Variants in DGKB observed in about 807,000 individuals in gnomAD.
The protein encoded by DGKB is 90 kDa diacylglycerol kinase.
DGKB carries 67 observed loss-of-function variants against 114.3 expected under a neutral mutation model. The observed-to-expected ratio is 0.59, with a 90% CI of 0.48 to 0.72. The LOEUF is 0.72. Among genes scored for constraint, DGKB ranks in the 30% least tolerant of loss-of-function variants. The pLI, the probability that DGKB is intolerant of heterozygous loss-of-function variation, is 0.00. For synonymous variants in DGKB, 398 were observed against 323.1 expected, an observed-to-expected ratio of 1.23 and a Z score of -2.49; for missense variants, 907 against 975.2, an observed-to-expected ratio of 0.93 and a Z score of 0.93.
intron 20 of DGKB, among the ~76,000 whole-genome samples, chr7:14,490,965 T>A (rs1340687904): frequency 6.6e-6 from 1 of 151,944 alleles, no homozygotes. Context: ...TTTTTTTTAA[T>A]GCAGAAACAG....
intron 15 of DGKB, among the ~76,000 whole-genome samples, chr7:14,618,119 TACACAC>T (rs59901892): frequency 8.6e-4 from 128 of 148,788 alleles, no homozygotes; most frequent in African/African-American, 3.1e-3. Flanking sequence ...GCAAAGGACA[TACACAC>T]ACACACACAC....
chr7:14,167,210 C>CA (rs34278386), intron 25 of DGKB, among the ~76,000 whole-genome samples: 11,939 of 99,300 alleles, frequency 0.12, 955 homozygotes, highest in Non-Finnish European at 0.16. Flanking sequence ...GACTCCATCT[C>CA]AAAAAAAAAA....
At chr7:14,516,002 C>T (rs1788728395) in intron 20 of DGKB, among the ~76,000 whole-genome samples, 1 of 152,004 alleles carries the variant, frequency 6.6e-6, no homozygotes, top group Non-Finnish European at 1.5e-5. Flanking sequence ...GTACCACCAC[C>T]ACCACCTGGC....
chr7:14,622,284 C>T (rs1218504856), intron 14 of DGKB, among the ~76,000 whole-genome samples: 2 of 152,050 alleles, frequency 1.3e-5, no homozygotes, highest in Admixed American at 6.6e-5. Flanking sequence ...TTCACAACTT[C>T]GCCCTCATAG....
chr7:14,813,607 T>A (rs1326070423), intron 2 of DGKB, among the ~76,000 whole-genome samples: 1 of 152,178 alleles, frequency 6.6e-6, no homozygotes, highest in African/African-American at 2.4e-5. Flanking sequence ...ATGTTATTTT[T>A]AACTCAAAAT....
intron 25 of DGKB, among the ~76,000 whole-genome samples, chr7:14,175,084 A>G (rs1314751841): frequency 6.6e-6 from 1 of 152,234 alleles, no homozygotes; most frequent in East Asian, 1.9e-4. Context: ...GTGCTGTTTG[A>G]AATCTGTAAC....
At chr7:14,320,518 T>TATATATGTACCGCATATGCGGTAC (rs1562929202) in intron 23 of DGKB, among the ~76,000 whole-genome samples, 1 of 151,874 alleles carries the variant, frequency 6.6e-6, no homozygotes, top group Non-Finnish European at 1.5e-5. Flanking sequence ...TTTCCACATA[T>TATATATGTACCGCATATGCGGTAC]ATATATGTAC....
intron 23 of DGKB, among the ~76,000 whole-genome samples, chr7:14,214,198 A>G (rs1788590602): frequency 1.3e-5 from 2 of 152,126 alleles, no homozygotes; most frequent in Admixed American, 6.6e-5. Context: ...TGTCTTTAGG[A>G]TAAAACTTGA....
chr7:14,509,775 C>G (rs1787699059), intron 20 of DGKB, among the ~76,000 whole-genome samples: 1 of 152,232 alleles, frequency 6.6e-6, no homozygotes, highest in Non-Finnish European at 1.5e-5. Flanking sequence ...ACTCCTTTGT[C>G]TCCGCCAGAC....
intron 20 of DGKB, among the ~76,000 whole-genome samples, chr7:14,512,783 T>C (rs1260596470): frequency 1.3e-5 from 2 of 152,116 alleles, no homozygotes; most frequent in African/African-American, 2.4e-5. Context: ...CTTATTATTA[T>C]ACAGGTTTTG....
intron 25 of DGKB, among the ~76,000 whole-genome samples, chr7:14,155,288 CT>C (rs1386058914): frequency 5.9e-5 from 9 of 152,006 alleles, no homozygotes; most frequent in African/African-American, 2.2e-4. Context: ...AGGTACCAGC[CT>C]ACCTTATTTT....
At chr7:14,846,969 C>G (rs182124710) in intron 1 of DGKB, among the ~76,000 whole-genome samples, 83 of 152,194 alleles carry the variant, frequency 5.5e-4, no homozygotes, top group Non-Finnish European at 1.2e-4. Flanking sequence ...TTCATGACTT[C>G]AATAATTGAA....
At chr7:14,518,395 A>T (rs1789191537) in intron 20 of DGKB, among the ~76,000 whole-genome samples, 1 of 152,018 alleles carries the variant, frequency 6.6e-6, no homozygotes, top group Non-Finnish European at 1.5e-5. Context: ...AATAATCTGT[A>T]TATCAAACCC....
At chr7:14,621,267 T>G in intron 15 of DGKB, 111 bp downstream of exon 15, 2 of 653,458 alleles carry the variant, frequency 3.1e-6, no homozygotes, top group Non-Finnish European at 5.4e-6. Flanking sequence ...AAGAGTCTAC[T>G]AAGCTAATAT....
At chr7:14,330,230 C>G (rs1809485354) in intron 23 of DGKB, among the ~76,000 whole-genome samples, 2 of 151,950 alleles carry the variant, frequency 1.3e-5, no homozygotes, top group South Asian at 4.1e-4. Flanking sequence ...ACATTCATTT[C>G]CTTTTTCCCT....
At chr7:14,213,005 G>A (rs906517774) in intron 23 of DGKB, among the ~76,000 whole-genome samples, 1 of 151,922 alleles carries the variant, frequency 6.6e-6, no homozygotes, top group South Asian at 2.1e-4. Context: ...TTACACAGAG[G>A]TAATACTAAT....
intron 23 of DGKB, among the ~76,000 whole-genome samples, chr7:14,216,345 T>G (rs898192516): frequency 3.9e-5 from 6 of 152,296 alleles, no homozygotes; most frequent in African/African-American, 1.4e-4. Context: ...AAGGTCACAC[T>G]AGTGTACTGT....
intron 13 of DGKB, among the ~76,000 whole-genome samples, chr7:14,648,569 A>G (rs1295867188): frequency 3.3e-5 from 5 of 152,164 alleles, no homozygotes; most frequent in Non-Finnish European, 5.9e-5. Context: ...AAAACTGGAA[A>G]CTCTAAAAAG....
chr7:14,422,676 G>C (rs941317533), intron 21 of DGKB, among the ~76,000 whole-genome samples: 2 of 151,888 alleles, frequency 1.3e-5, no homozygotes, highest in African/African-American at 2.4e-5. Flanking sequence ...TAGCTAAAAA[G>C]TTTCCCAATT....
Sources: gnomAD v4.1 joint callset for allele counts (sites outside exome capture counted in the v4.1 genomes callset) on GRCh38, gnomAD v4.1.1 for gene constraint, MANE v1.5 for transcripts, NCBI Gene and HGNC (gene_info 2026-07-23, HGNC 2026-07-21) for gene names.